LMF1: variants seen among roughly 807,000 people sequenced by gnomAD.
The protein encoded by LMF1 is transmembrane protein 112.
A neutral mutation model predicts 60.6 loss-of-function variants in LMF1; 68 were observed. The observed-to-expected ratio is 1.12, with a 90% CI of 0.92 to 1.37. The LOEUF is 1.37. LMF1 is among the 40% of genes most tolerant of loss of function. The pLI, the probability that LMF1 is intolerant of heterozygous loss-of-function variation, is 0.00. For missense variants in LMF1, 948 were observed against 767.2 expected, an observed-to-expected ratio of 1.24 and a Z score of -2.78; for synonymous variants, 418 against 324.7, an observed-to-expected ratio of 1.29 and a Z score of -3.09.
chr16:942,311 T>C (rs1180010945), intron 2 of LMF1, among the ~76,000 whole-genome samples: 1 of 152,250 alleles, frequency 6.6e-6, no homozygotes, highest in East Asian at 1.9e-4. Context: ...TCTTTTTCCT[T>C]CCAGGTGCTA....
At position 874,994 on chromosome 16, in the gene LMF1, C is replaced by T. The variant is rs917996257; in HGVS notation, c.898-3653G>A. On this transcript the variant is annotated intron_variant, in intron 6 of 10. Coordinates refer to ENST00000262301, the MANE Select transcript of LMF1 (RefSeq NM_022773.4). This position sits in a 1 kb window ranked among gnomAD's most constrained non-coding sequence, Gnocchi z 4.1. ...GTGAGGGGGCAGGATACATCGCAGC[C>T]GGGACTGCCGGCCGACCATCTTGTC... Among the ~76,000 whole-genome samples, 32 of 152,162 alleles carry T rather than the reference C, an allele frequency of 2.1e-4. No individual in the cohort carries two copies. Among genetic ancestry groups the T allele is most frequent in the Admixed American group, 7.9e-4 (12 of 15,286 alleles).
Position 907,634 on chromosome 16 carries a change from C to T in LMF1, c.663+3297G>A, listed in dbSNP as rs78498237. Among the ~76,000 whole-genome samples, 92 of 152,198 alleles carry T rather than the reference C, an allele frequency of 6.0e-4. 1 individual carries two copies. The East Asian group carries it at 0.013, about 22-fold the overall frequency. ...ACAGGTGCTGGTTTCTGAGTGAATCCGCCAAGCTGACGGTGCGGCGCTGGT... is the reference window on the plus strand; with the variant it reads ...ACAGGTGCTGGTTTCTGAGTGAATCTGCCAAGCTGACGGTGCGGCGCTGGT... On this transcript the variant is annotated intron_variant, in intron 4 of 10. Transcript: ENST00000262301.
intron 9 of LMF1, chr16:869,324 G>T: frequency 1.5e-6 from 1 of 665,758 alleles, no homozygotes; most frequent in Non-Finnish European, 2.8e-6. Flanking sequence ...CCTCTGTCTG[G>T]GCCTTGCCTC....
At chr16:969,184 G>A (rs891815702) in intron 1 of LMF1, among the ~76,000 whole-genome samples, 1 of 152,142 alleles carries the variant, frequency 6.6e-6, no homozygotes, top group African/African-American at 2.4e-5. Context: ...GCATGGTGGT[G>A]CGTGCCTATA....
intron 10 of LMF1, chr16:855,912 G>A (rs2069172754): frequency 2.2e-6 from 1 of 456,004 alleles, no homozygotes; most frequent in South Asian, 1.5e-5. Context: ...GAGGGCCTCT[G>A]GGTCCACCCG....
chr16:860,091 A>G (rs1227698311), intron 10 of LMF1, among the ~76,000 whole-genome samples: 2 of 150,274 alleles, frequency 1.3e-5, no homozygotes, highest in African/African-American at 2.5e-5. Context: ...TTCTAATAAG[A>G]TTATTTTAGT....
At chr16:927,579 C>T (rs924291306) in intron 3 of LMF1, among the ~76,000 whole-genome samples, 5 of 152,230 alleles carry the variant, frequency 3.3e-5, no homozygotes, top group African/African-American at 9.6e-5. Context: ...GCATCCCTGA[C>T]CCTGGGAGCT....
At chr16:870,596 G>A in intron 8 of LMF1, 133 bp downstream of exon 8, 3 of 1,039,154 alleles carry the variant, frequency 2.9e-6, no homozygotes, top group South Asian at 2.9e-5. Context: ...CCTGTGCCTG[G>A]GTCAGGCTGG....
chr16:928,469 A>G (rs1348675823), intron 3 of LMF1, among the ~76,000 whole-genome samples: 1 of 152,182 alleles, frequency 6.6e-6, no homozygotes, highest in Non-Finnish European at 1.5e-5. Flanking sequence ...ATGGGACTGT[A>G]GTAAGAAACA....
intron 10 of LMF1, among the ~76,000 whole-genome samples, chr16:858,458 T>A (rs1417878308): frequency 2.0e-4 from 6 of 30,228 alleles, no homozygotes; most frequent in East Asian, 9.0e-4. Flanking sequence ...GAGTGGTGAC[T>A]CGGGACGGGT....
intron 2 of LMF1, among the ~76,000 whole-genome samples, chr16:948,728 T>TCAGAGACAACGACAGAGTCAGAGCCAAC (rs1376466921): frequency 1.5e-5 from 1 of 66,488 alleles, no homozygotes; most frequent in Non-Finnish European, 2.7e-5. Flanking sequence ...AGTCAGCCAA[T>TCAGAGACAACGACAGAGTCAGAGCCAAC]GACAGAGTCA....
At chr16:969,356 AAGAG>A (rs144966079) in intron 1 of LMF1, among the ~76,000 whole-genome samples, 8 of 152,090 alleles carry the variant, frequency 5.3e-5, no homozygotes, top group Admixed American at 2.6e-4. Flanking sequence ...GCTTTAAAGA[AAGAG>A]AGAGAGAGAC....
intron 5 of LMF1, among the ~76,000 whole-genome samples, chr16:881,086 C>T (rs944612008): frequency 5.9e-5 from 9 of 152,160 alleles, no homozygotes; most frequent in South Asian, 2.1e-4. Flanking sequence ...AGAGAGGCTA[C>T]GTGGAAGTCG....
chr16:857,480 G>C (rs1201286937), intron 10 of LMF1, among the ~76,000 whole-genome samples: 2 of 124,426 alleles, frequency 1.6e-5, no homozygotes, highest in African/African-American at 6.3e-5. Context: ...GGTGTGAGTG[G>C]TGTCACCGGA....
chr16:971,786 G>C (rs1464760330), upstream of LMF1, among the ~76,000 whole-genome samples: 5 of 152,268 alleles, frequency 3.3e-5, no homozygotes, highest in African/African-American at 7.2e-5. Context: ...AGGGCGTGAG[G>C]CTAGAGTAGG....
chr16:869,423 C>T (rs1166699615), intron 9 of LMF1: 1 of 557,984 alleles, frequency 1.8e-6, no homozygotes, highest in East Asian at 4.3e-5. Context: ...ACCCCCAGCC[C>T]TGGGGATTCC....
At chr16:899,996 G>C (rs958108271) in intron 4 of LMF1, 1 of 152,286 alleles carries the variant, frequency 6.6e-6, no homozygotes. Flanking sequence ...AGGTCTGGGT[G>C]TAAAGAGAGA....
At chr16:856,499 G>A (rs1339009471) in intron 10 of LMF1, among the ~76,000 whole-genome samples, 1 of 152,232 alleles carries the variant, frequency 6.6e-6, no homozygotes, top group South Asian at 2.1e-4. Flanking sequence ...TAGTGAGGCC[G>A]GGAGGGTGGG....
intron 4 of LMF1, chr16:898,827 G>A (rs1030604527): frequency 3.9e-5 from 6 of 152,208 alleles, no homozygotes; most frequent in African/African-American, 1.4e-4. Flanking sequence ...TTAGAAATCA[G>A]ACAGAGCAGA....
Sources: allele counts gnomAD v4.1 joint callset (sites outside exome capture counted in the v4.1 genomes callset), GRCh38; gene constraint gnomAD v4.1.1; non-coding constraint Gnocchi (gnomAD v3.1); transcripts MANE v1.5; gene names NCBI Gene and HGNC (gene_info 2026-07-23, HGNC 2026-07-21).